KIF7: variants seen among roughly 807,000 people sequenced by gnomAD.
The protein encoded by KIF7 is kinesin-like protein KIF7.
In KIF7, 104 loss-of-function variants were observed where a neutral mutation model predicts 135.7. The ratio of observed to expected loss-of-function variants is 0.77; its 90% CI spans 0.65 to 0.90. The LOEUF is 0.90. KIF7 is among the 40% of genes least tolerant of loss of function. KIF7 has a pLI of 0.00. For missense variants in KIF7, 2,005 were observed against 1,839.1 expected (o/e 1.09, Z -1.65); for synonymous variants, 883 against 809.4 (o/e 1.09, Z -1.54).
chr15:89,648,803 G>C (rs1461714326), intron 4 of KIF7, 29 bp from the exon 5 acceptor site: 2 of 1,518,570 alleles, frequency 1.3e-6, no homozygotes, highest in South Asian at 2.4e-5. Context: ...GGCTCTCAGG[G>C]GCCCCGACGC....
rs1235928535 is a variant in KIF7, at chr15:89,652,864, G to A, written c.67C>T (p.Arg23Ter). Reference protein sequence around the residue: ...EAPVRVALRVRPLLPKELLHG... With the variant: ...EAPVRVALRV ...AGCAGCTCCTTGGGCAGCAGTGGTC[G>A]AACTCGCAGGGCAACCCGCACTGGG... The change falls in exon 2 of 19, where the codon CGA (arginine) becomes TGA (stop). Residue 23 changes from arginine (R) to a stop codon, truncating the protein, a stop_gained. Transcript: ENST00000394412. LOFTEE classifies it high-confidence loss of function. 1.3e-6 allele frequency: 2 copies of A among 1,546,394 alleles called. No homozygotes were observed. The highest frequency in any genetic ancestry group is 1.2e-5 in the South Asian group (1 of 83,910).
rs374144612 is a variant in KIF7, at chr15:89,645,298, G to A, written c.2038+38C>T. 57 of 1,601,078 alleles carry A rather than the reference G, an allele frequency of 3.6e-5. No homozygotes were observed. The South Asian group carries it at 5.1e-4, about 14-fold the overall frequency. On this transcript the variant is annotated intron_variant, in intron 9 of 18. Coordinates refer to ENST00000394412, the MANE Select transcript of KIF7 (RefSeq NM_198525.3). ...GCTGGCCCAGAACCGTGGAGGGGCA[G>A]TGGGGAGGAGGCCCTCTCTGCATCC... is the stretch of plus-strand genomic sequence containing the variant.
rs1158352591 is a variant in KIF7 at position 89,628,017 on chromosome 15, T to C, written c.*402A>G. The C allele has an allele frequency of 1.8e-5, 3 of 168,640 alleles. No homozygotes were observed. Among genetic ancestry groups the C allele is most frequent in the Non-Finnish European group, 1.3e-5 (1 of 79,654 alleles). The allele number at this position is 168,640 out of a possible 1,614,324, so 10.4% of individuals were successfully genotyped here. The stretch of plus-strand genomic sequence containing the variant: ...TTTTTTATTAAATGGTTTTTTAAGA[T>C]CCTAAAGTCTCCCAGTTTCCCCTAT... On this transcript the variant is annotated 3_prime_UTR_variant, in exon 19 of 19. Coordinates refer to ENST00000394412, the MANE Select transcript of KIF7 (RefSeq NM_198525.3).
intron 1 of KIF7, among the ~76,000 whole-genome samples, chr15:89,620,982 A>G (rs1036319788): frequency 6.7e-6 from 1 of 148,302 alleles, no homozygotes; most frequent in Admixed American, 6.8e-5. Flanking sequence ...CAGCCTCCCA[A>G]AGTGCTGGGA....
chr15:89,620,726 G>C (rs959465600), intron 1 of KIF7, among the ~76,000 whole-genome samples: 14 of 151,682 alleles, frequency 9.2e-5, no homozygotes, highest in Non-Finnish European at 2.1e-4. Flanking sequence ...TTGTTTGTTT[G>C]TTTGTTTGTT....
intron 1 of KIF7, among the ~76,000 whole-genome samples, chr15:89,655,014 C>T (rs1235636834): frequency 1.3e-5 from 2 of 152,250 alleles, no homozygotes. Flanking sequence ...TCCGAAGGTG[C>T]TCTGACAACC....
intron 2 of KIF7, among the ~76,000 whole-genome samples, chr15:89,651,276 T>G (rs986836156): frequency 1.3e-5 from 2 of 152,080 alleles, no homozygotes; most frequent in Non-Finnish European, 2.9e-5. Context: ...ATTTTTTGTA[T>G]TTTAGTAGAG....
chr15:89,618,461 C>T (rs1314412986), intron 1 of KIF7, among the ~76,000 whole-genome samples: 1 of 152,206 alleles, frequency 6.6e-6, no homozygotes, highest in African/African-American at 2.4e-5. Context: ...CTGTGTTATA[C>T]AAAGTGCTAT....
chr15:89,650,607 C>T (rs1206191988), intron 2 of KIF7, among the ~76,000 whole-genome samples: 2 of 152,072 alleles, frequency 1.3e-5, no homozygotes, highest in East Asian at 3.9e-4. Flanking sequence ...TTGGCCAGGC[C>T]GGTCTCAAAC....
the KIF7 span, among the ~76,000 whole-genome samples, chr15:89,661,897 G>C: frequency 6.6e-6 from 1 of 151,998 alleles, no homozygotes; most frequent in South Asian, 2.1e-4. Context: ...ACCACACCCG[G>C]CCAATTTTTG....
At chr15:89,636,395 A>AG (rs1239026007) in intron 11 of KIF7, among the ~76,000 whole-genome samples, 5 of 130,062 alleles carry the variant, frequency 3.8e-5, no homozygotes, top group African/African-American at 1.6e-4. Flanking sequence ...AATTGGATAA[A>AG]GAGTCAAGAC....
At position 89,621,507 on chromosome 15, in the gene KIF7, G is replaced by A. The variant is rs749665843; in HGVS notation, c.181-3312C>T. ...AAGGGTTCAGCTCGAATGAAAAAGCGTTCAAGAAACACTTTGGATTCGGAG... is the reference window on the plus strand; with the variant it reads ...AAGGGTTCAGCTCGAATGAAAAAGCATTCAAGAAACACTTTGGATTCGGAG... On this transcript the variant is annotated intron_variant and NMD_transcript_variant, in intron 1 of 2. Coordinates refer to the KIF7 transcript ENST00000558928. 4.0e-5 allele frequency: 65 copies of A among 1,613,756 alleles called. No individual in the cohort carries two copies. The highest frequency in any genetic ancestry group is 1.4e-4 in the South Asian group (13 of 91,014).
downstream of KIF7, chr15:89,624,307 C>G (rs145409221): frequency 2.1e-4 from 341 of 1,614,096 alleles, no homozygotes; most frequent in Non-Finnish European, 2.8e-4. Flanking sequence ...AATAGAGTGT[C>G]CTTCCCCAGG....
At chr15:89,662,120 G>C in the KIF7 span, among the ~76,000 whole-genome samples, 1 of 152,218 alleles carries the variant, frequency 6.6e-6, no homozygotes, top group African/African-American at 2.4e-5. Context: ...TTATGCTTAA[G>C]ACAATGAGCA....
rs568751186 is a variant in KIF7 at position 89,640,058 on chromosome 15, T to C, written c.2394+2145A>G. Among the ~76,000 whole-genome samples, 308 of 150,962 alleles carry C rather than the reference T, an allele frequency of 2.0e-3. 1 individual carries two copies. The highest frequency in any genetic ancestry group is 7.0e-3 in the African/African-American group (286 of 40,960). On this transcript the variant is annotated intron_variant, in intron 11 of 18. Coordinates refer to ENST00000394412, the MANE Select transcript of KIF7 (RefSeq NM_198525.3). Reference sequence around the variant, plus strand: ...ATCACAAGAACAAAAAACCAAACACTGCATATTCTCACTCACAGGTGGGGG... The same window carrying C: ...ATCACAAGAACAAAAAACCAAACACCGCATATTCTCACTCACAGGTGGGGG...
chr15:89,648,340 G>T lies in KIF7; in HGVS notation c.1358C>A (p.Ala453Asp), dbSNP rs886051532. The change falls in exon 5 of 19, where the codon GCC becomes GAC. Residue 453 changes from alanine (A) to aspartate (D), a missense_variant. Ala to Asp is a moderately radical substitution (Grantham distance 126, BLOSUM62 -2). Transcript: ENST00000394412. ...ATCGGGCCCGGAGGCGGAGCTCAGGGCGCTGCGCTCGCCCTCGACGGCGCA... is the reference window on the plus strand; with the variant it reads ...ATCGGGCCCGGAGGCGGAGCTCAGGTCGCTGCGCTCGCCCTCGACGGCGCA... ...WLCAVEGERS[A>D]LSSASGPDSG... The T allele has an allele frequency of 2.0e-6, 3 of 1,483,230 alleles. No individual in the cohort carries two copies. Among genetic ancestry groups the T allele is most frequent in the East Asian group, 2.7e-5 (1 of 36,910 alleles). The allele number at this position is 1,483,230 out of a possible 1,614,324, so 91.9% of individuals were successfully genotyped here.
At chr15:89,663,038 C>T in the KIF7 span, among the ~76,000 whole-genome samples, 3 of 152,198 alleles carry the variant, frequency 2.0e-5, no homozygotes, top group East Asian at 3.9e-4. Flanking sequence ...CGGCCACAGC[C>T]CTCAGGCGGC....
chr15:89,654,935 G>A (rs539392015), intron 1 of KIF7, among the ~76,000 whole-genome samples: 16 of 152,330 alleles, frequency 1.1e-4, no homozygotes, highest in Admixed American at 3.3e-4. Flanking sequence ...GCACCCCTCC[G>A]CGTGAGCGTT....
At position 89,652,841 on chromosome 15, in the gene KIF7, C is replaced by A. The variant is rs1341234321; in HGVS notation, c.90G>T (p.Leu30=). 1 of 1,549,738 alleles carries A rather than the reference C, an allele frequency of 6.5e-7. No individual in the cohort carries two copies. The highest frequency in any genetic ancestry group is 2.0e-5 in the Admixed American group (1 of 51,002). ...LRVRPLLPKE[L]LHGHQSCLQV... ...GCAGGCAGCTCTGATGCCCGTGCAG[C>A]AGCTCCTTGGGCAGCAGTGGTCGAA... Residue 30 remains leucine, a synonymous_variant, in exon 2 of 19, where the codon CTG becomes CTT. Coordinates refer to ENST00000394412, the MANE Select transcript of KIF7 (RefSeq NM_198525.3).
Sources: allele counts gnomAD v4.1 joint callset (sites outside exome capture counted in the v4.1 genomes callset), GRCh38; gene constraint gnomAD v4.1.1; transcripts MANE v1.5; gene names NCBI Gene and HGNC (gene_info 2026-07-23, HGNC 2026-07-21).